The following PADI3 variants were observed in gnomAD, a reference collection of about 807,000 sequenced individuals.
The protein encoded by PADI3 is peptidyl arginine deiminase 3.
In PADI3, 53 loss-of-function variants were observed where a neutral mutation model predicts 71.5. That is an observed-to-expected ratio of 0.74 (90% CI 0.59 to 0.93). The LOEUF (loss-of-function observed/expected upper bound fraction) is 0.93. PADI3 is among the 40% of genes least tolerant of loss of function. The pLI, the probability that PADI3 is intolerant of heterozygous loss-of-function variation, is 0.00. For synonymous variants in PADI3, 361 were observed against 347.5 expected (o/e 1.04, Z -0.43); for missense variants, 821 against 868.0 (o/e 0.95, Z 0.68).
At chr1:17,265,916 G>T (rs997049927) in intron 4 of PADI3, among the ~76,000 whole-genome samples, 196 bp downstream of exon 4, 3 of 152,330 alleles carry the variant, frequency 2.0e-5, no homozygotes, top group East Asian at 3.9e-4. Context: ...GAATTATCAG[G>T]CATGGAGGTA....
intron 11 of PADI3, among the ~76,000 whole-genome samples, chr1:17,275,272 A>G (rs1377670788): frequency 1.7e-5 from 1 of 59,626 alleles, no homozygotes; most frequent in Non-Finnish European, 3.3e-5. Context: ...CGTCTCTACT[A>G]AAAAAAAAAA....
At chr1:17,276,954 G>C in intron 13 of PADI3, 78 bp downstream of exon 13, 2 of 1,249,296 alleles carry the variant, frequency 1.6e-6, no homozygotes, top group Non-Finnish European at 2.2e-6. Context: ...GCTTGAGAGG[G>C]GGAGGGCAAG....
rs2073338834 is a variant in PADI3, at chr1:17,276,783, A to C, written c.1462A>C (p.Met488Leu). ...VPAPDGKGFR[M>L]LLASPGACFK... ...TGTTCTCTGCACGCAGGGCTTCCGG[A>C]TGCTCCTGGCCAGCCCTGGGGCCTG... Residue 488 changes from methionine (M) to leucine (L), a missense_variant, in exon 13 of 16, where the codon ATG (methionine) becomes CTG (leucine). Met to Leu is a conservative substitution (Grantham distance 15). Coordinates refer to ENST00000375460, the MANE Select transcript of PADI3 (RefSeq NM_016233.2). 2 of 1,613,582 alleles carry C rather than the reference A, an allele frequency of 1.2e-6. No individual in the cohort carries two copies. The highest frequency in any genetic ancestry group is 2.2e-5 in the South Asian group (2 of 90,952).
intron 1 of PADI3, 59 bp downstream of exon 1, chr1:17,249,288 C>T: frequency 7.2e-7 from 1 of 1,393,838 alleles, no homozygotes; most frequent in South Asian, 1.2e-5. Context: ...TTGGACCTTC[C>T]TCCCTGCAGG....
intron 1 of PADI3, among the ~76,000 whole-genome samples, chr1:17,258,536 C>G (rs779756137): frequency 6.6e-6 from 1 of 152,252 alleles, no homozygotes; most frequent in Non-Finnish European, 1.5e-5. Flanking sequence ...GGTTGTTTGA[C>G]CAAATCCGGC....
chr1:17,264,215 G>T (rs2073135728), intron 3 of PADI3, among the ~76,000 whole-genome samples: 1 of 152,030 alleles, frequency 6.6e-6, no homozygotes, highest in African/African-American at 2.4e-5. Flanking sequence ...TTAGGAGTGA[G>T]GTTGGGCATT....
chr1:17,276,693 C>T (rs1557513359), intron 12 of PADI3, 30 bp downstream of exon 12: 1 of 1,613,938 alleles, frequency 6.2e-7, no homozygotes, highest in Non-Finnish European at 8.5e-7. Context: ...CGTGTCTTTC[C>T]CTGGCATCTG....
At chr1:17,268,973 C>T (rs1336839486) in intron 6 of PADI3, among the ~76,000 whole-genome samples, 2 of 151,192 alleles carry the variant, frequency 1.3e-5, no homozygotes, top group Non-Finnish European at 2.9e-5. Context: ...GCAGCCTCCA[C>T]CTTTCAGGCT....
In PADI3 at chr1:17,253,749, A is replaced by G. The variant is rs140534990; in HGVS notation, c.92+4520A>G. Among the ~76,000 whole-genome samples, 742 of 152,244 alleles carry G rather than the reference A, an allele frequency of 4.9e-3. 8 individuals are homozygous for G. The highest frequency in any genetic ancestry group is 0.017 in the African/African-American group (711 of 41,552). Reference sequence around the variant, plus strand: ...CCCTCACTGGGAAGACAAACAACTCATGTCACCCCTTTCTCTGCAGAGGCT... The same window carrying G: ...CCCTCACTGGGAAGACAAACAACTCGTGTCACCCCTTTCTCTGCAGAGGCT... On this transcript the variant is annotated intron_variant, in intron 1 of 15. Transcript: ENST00000375460.
At chr1:17,260,560 A>G (rs192096618) in intron 2 of PADI3, among the ~76,000 whole-genome samples, 2 of 152,268 alleles carry the variant, frequency 1.3e-5, no homozygotes, top group Non-Finnish European at 2.9e-5. Context: ...GGGGCAACTG[A>G]GGTTCAGAGT....
At chr1:17,268,386 C>G (rs1464320661) in intron 6 of PADI3, among the ~76,000 whole-genome samples, 1 of 151,968 alleles carries the variant, frequency 6.6e-6, no homozygotes, top group Non-Finnish European at 1.5e-5. Flanking sequence ...AGTTTGTATT[C>G]CCCCCAAATA....
At chr1:17,266,663 G>A in intron 4 of PADI3, 56 bp from the exon 5 acceptor site, 1 of 1,458,806 alleles carries the variant, frequency 6.9e-7, no homozygotes, top group African/African-American at 1.4e-5. Flanking sequence ...TTCCTGGGTA[G>A]GGAGGCACAG....
chr1:17,264,111 T>C (rs2073134561), intron 3 of PADI3, among the ~76,000 whole-genome samples: 1 of 152,238 alleles, frequency 6.6e-6, no homozygotes, highest in East Asian at 1.9e-4. Flanking sequence ...GTCTGCCAAC[T>C]GCATATATGC....
chr1:17,263,660 T>G (rs2073129563), intron 3 of PADI3, among the ~76,000 whole-genome samples: 1 of 152,168 alleles, frequency 6.6e-6, no homozygotes, highest in Non-Finnish European at 1.5e-5. Context: ...GTATTAAAAT[T>G]AAAAATTTAT....
At chr1:17,274,187 C>T (rs2073293712) in intron 10 of PADI3, among the ~76,000 whole-genome samples, 1 of 151,934 alleles carries the variant, frequency 6.6e-6, no homozygotes, top group Non-Finnish European at 1.5e-5. Context: ...AGAGATAGCC[C>T]TGGGGAGGTC....
rs767920251 is a variant in PADI3, at chr1:17,280,760, C to G, written c.1725C>G (p.Thr575=). ...TTGACATCCCACAGCTCTTCAAGACCGAGAGGAAAAAAGCAACGGCCTTCT... is the reference window on the plus strand; with the variant it reads ...TTGACATCCCACAGCTCTTCAAGACGGAGAGGAAAAAAGCAACGGCCTTCT... ...DIIDIPQLFK[T]ERKKATAFFP... is the part of the protein sequence containing the mutation. The change falls in exon 15 of 16, where the codon ACC becomes ACG. Residue 575 remains threonine (T), a synonymous_variant. Coordinates refer to ENST00000375460, the MANE Select transcript of PADI3 (RefSeq NM_016233.2). 1 of 1,614,070 alleles carries G rather than the reference C, an allele frequency of 6.2e-7. No homozygotes were observed.
chr1:17,264,818 C>A (rs572958240), intron 3 of PADI3, among the ~76,000 whole-genome samples: 1 of 152,092 alleles, frequency 6.6e-6, no homozygotes, highest in South Asian at 2.1e-4. Context: ...CAAGACCAGC[C>A]TAGGCAACAT....
At chr1:17,259,428 G>T in intron 1 of PADI3, 150 bp from the exon 2 acceptor site, 1 of 632,436 alleles carries the variant, frequency 1.6e-6, no homozygotes, top group Admixed American at 2.7e-5. Flanking sequence ...TGGGGTCCAG[G>T]CTTGACTCGC....
At chr1:17,253,947 T>C (rs572985912) in intron 1 of PADI3, among the ~76,000 whole-genome samples, 4 of 152,318 alleles carry the variant, frequency 2.6e-5, no homozygotes, top group African/African-American at 9.6e-5. Flanking sequence ...CTGAGTCCCC[T>C]CCCTGATTTG....
Sources: allele counts gnomAD v4.1 joint callset (sites outside exome capture counted in the v4.1 genomes callset), GRCh38; gene constraint gnomAD v4.1.1; transcripts MANE v1.5; gene names NCBI Gene and HGNC (gene_info 2026-07-23, HGNC 2026-07-21).